SEMA5A: variants seen among roughly 807,000 people sequenced by gnomAD.
SEMA5A encodes semaphorin 5A.
Under a neutral mutation model 135.5 loss-of-function variants are expected in SEMA5A, and 55 were observed. The observed-to-expected ratio is 0.41, with a 90% CI of 0.33 to 0.51. The LOEUF (loss-of-function observed/expected upper bound fraction) is 0.51, where lower values mean the gene tolerates loss of function less well. SEMA5A is among the 20% of genes least tolerant of loss of function. The pLI, the probability that SEMA5A is intolerant of heterozygous loss-of-function variation, is 0.37. For missense variants in SEMA5A, 1,290 were observed against 1,419.9 expected, an observed-to-expected ratio of 0.91 and a Z score of 1.47; for synonymous variants, 580 against 546.5, an observed-to-expected ratio of 1.06 and a Z score of -0.85.
intron 1 of SEMA5A, among the ~76,000 whole-genome samples, chr5:9,442,032 G>T: frequency 6.6e-6 from 1 of 152,180 alleles, no homozygotes; most frequent in Non-Finnish European, 1.5e-5. Context: ...GTAAAAAGCC[G>T]CCACCAGAGA....
chr5:9,321,502 T>C (rs1160647738), intron 4 of SEMA5A, among the ~76,000 whole-genome samples: 2 of 152,222 alleles, frequency 1.3e-5, no homozygotes, highest in Non-Finnish European at 2.9e-5. Context: ...TCTGCCTCTA[T>C]ACAATCTCAG....
intron 22 of SEMA5A, among the ~76,000 whole-genome samples, chr5:9,043,654 A>G (rs1429801105): frequency 6.6e-6 from 1 of 152,234 alleles, no homozygotes; most frequent in African/African-American, 2.4e-5. Flanking sequence ...CCCAATGGCC[A>G]TCTGTCCAGG....
chr5:9,416,651 C>T (rs1374611261), intron 2 of SEMA5A, among the ~76,000 whole-genome samples: 2 of 152,176 alleles, frequency 1.3e-5, no homozygotes, highest in Non-Finnish European at 2.9e-5. Context: ...TAAATACACA[C>T]AATGTCTTTA....
chr5:9,124,888 C>T (rs1477576670), intron 13 of SEMA5A, among the ~76,000 whole-genome samples: 1 of 152,184 alleles, frequency 6.6e-6, no homozygotes, highest in Admixed American at 6.5e-5. Flanking sequence ...TCCTCCTCTG[C>T]CAGAGTTCTC....
chr5:9,164,861 A>G (rs3822769), intron 11 of SEMA5A, among the ~76,000 whole-genome samples: 17,895 of 152,168 alleles, frequency 0.12, 1,795 homozygotes, highest in African/African-American at 0.25. Flanking sequence ...ACGGAAATAA[A>G]TCTTTAGAAG....
At chr5:9,433,361 G>GA (rs1171882586) in intron 2 of SEMA5A, among the ~76,000 whole-genome samples, 2 of 151,598 alleles carry the variant, frequency 1.3e-5, no homozygotes, top group Admixed American at 6.6e-5. Flanking sequence ...TCATTATCAA[G>GA]AAAAAATCTG....
intron 5 of SEMA5A, among the ~76,000 whole-genome samples, 160 bp downstream of exon 5, chr5:9,318,205 GACTCGTA>G (rs1752473473): frequency 6.6e-6 from 1 of 152,184 alleles, no homozygotes; most frequent in East Asian, 1.9e-4. Context: ...GGGAGGTAAT[GACTCGTA>G]ACAAGTAGGG....
chr5:9,108,687 G>A (rs1372660419), intron 15 of SEMA5A, among the ~76,000 whole-genome samples: 3 of 152,138 alleles, frequency 2.0e-5, no homozygotes, highest in Non-Finnish European at 4.4e-5. Context: ...AGTCAGCATA[G>A]CTTTACTTGG....
intron 4 of SEMA5A, among the ~76,000 whole-genome samples, chr5:9,332,601 A>C (rs7736572): frequency 8.5e-4 from 90 of 105,284 alleles, no homozygotes; most frequent in African/African-American, 1.2e-3. Context: ...GCAACGTGTG[A>C]AGTTGTGGGC....
intron 5 of SEMA5A, among the ~76,000 whole-genome samples, chr5:9,309,172 A>C: frequency 6.6e-6 from 1 of 152,154 alleles, no homozygotes; most frequent in East Asian, 1.9e-4. Flanking sequence ...ACTATAGAGA[A>C]AATTGAGGTA....
At chr5:9,530,179 C>A (rs926292005) in intron 1 of SEMA5A, among the ~76,000 whole-genome samples, 3 of 152,152 alleles carry the variant, frequency 2.0e-5, no homozygotes, top group African/African-American at 7.2e-5. Context: ...ATACGTTCCA[C>A]AAGCAAAGCC....
chr5:9,504,121 A>G (rs1416751820), intron 1 of SEMA5A, among the ~76,000 whole-genome samples: 1 of 149,180 alleles, frequency 6.7e-6, no homozygotes, highest in Non-Finnish European at 1.5e-5. Context: ...AGGCTGAGGC[A>G]GGAGAATCGC....
Position 9,039,440 on chromosome 5 carries a change from G to A in SEMA5A, c.*3457C>T, listed in dbSNP as rs1735839718. On this transcript the variant is annotated 3_prime_UTR_variant, in exon 23 of 23. Coordinates refer to ENST00000382496, the MANE Select transcript of SEMA5A (RefSeq NM_003966.3). ...GGGACAGAGGTTTCTCCCCAGCAGG[G>A]ATGCCCTCACCCTCATTCAATGTTT... 2.6e-5 allele frequency: 4 copies of A among 152,368 alleles called. No homozygotes were observed. The South Asian group carries it at 8.3e-4, about 32-fold the overall frequency. The allele number at this position is 152,368 out of a possible 1,614,324, so 9.4% of individuals were successfully genotyped here. A position where few individuals can be genotyped will look rare whatever the true frequency, so the allele number is the denominator to read the frequency against.
chr5:9,225,004 A>G, intron 7 of SEMA5A, 117 bp from the exon 8 acceptor site: 2 of 909,878 alleles, frequency 2.2e-6, no homozygotes, highest in South Asian at 3.5e-5. Flanking sequence ...TCGGGGGCCC[A>G]TGGGGCAAGA....
intron 5 of SEMA5A, among the ~76,000 whole-genome samples, chr5:9,289,346 A>G (rs1043096443): frequency 1.3e-5 from 2 of 152,242 alleles, no homozygotes; most frequent in African/African-American, 4.8e-5. Context: ...TGTTTTCTAC[A>G]TTCAATTTAT....
chr5:9,104,325 A>G (rs1305428586), intron 16 of SEMA5A, among the ~76,000 whole-genome samples: 4 of 152,224 alleles, frequency 2.6e-5, no homozygotes, highest in Admixed American at 2.6e-4. Flanking sequence ...ACTCAACAAA[A>G]GTTATTTTAT....
chr5:9,207,892 G>GATAC lies in SEMA5A; in HGVS notation c.647-5653_647-5652insGTAT, dbSNP rs1554003529. Among the ~76,000 whole-genome samples the GATAC allele has an allele frequency of 8.5e-3, 301 of 35,338 alleles. 2 individuals are homozygous for GATAC. Among genetic ancestry groups the GATAC allele is most frequent in the African/African-American group, 0.029 (282 of 9,706 alleles). The allele number at this position is 35,338 out of a possible 152,430, so 23.2% of individuals were successfully genotyped here. The stretch of plus-strand genomic sequence containing the variant: ...AGATAGATAGATAGATAGATAGATA[G>GATAC]ATAGATACATAGATAGATAGATAAT... On this transcript the variant is annotated intron_variant, in intron 8 of 22. Transcript: ENST00000382496.
chr5:9,495,222 G>C (rs918532582), intron 1 of SEMA5A, among the ~76,000 whole-genome samples: 5 of 152,198 alleles, frequency 3.3e-5, no homozygotes, highest in African/African-American at 1.2e-4. Flanking sequence ...TAATTACCCA[G>C]GCAGTGATTA....
At chr5:9,092,304 TG>T (rs1739079818) in intron 16 of SEMA5A, among the ~76,000 whole-genome samples, 1 of 152,236 alleles carries the variant, frequency 6.6e-6, no homozygotes, top group Non-Finnish European at 1.5e-5. Context: ...AAGGCCATTA[TG>T]TTTACAATTT....
Sources: allele counts gnomAD v4.1 joint callset (sites outside exome capture counted in the v4.1 genomes callset), GRCh38; gene constraint gnomAD v4.1.1; transcripts MANE v1.5; gene names NCBI Gene and HGNC (gene_info 2026-07-23, HGNC 2026-07-21).